Variants in DLGAP2 observed in about 807,000 individuals in gnomAD.
DLGAP2 encodes the protein disks large-associated protein 2.
Under a neutral mutation model 100.3 loss-of-function variants are expected in DLGAP2, and 26 were observed. The ratio of observed to expected loss-of-function variants is 0.26; its 90% CI spans 0.19 to 0.36. DLGAP2 has a LOEUF of 0.36. Ranked by LOEUF, DLGAP2 falls within the 10% of genes least tolerant of loss-of-function variation. The probability of loss-of-function intolerance (pLI) is 1.00; values close to 1 mark genes in which losing one functional copy is unlikely to be tolerated. For synonymous variants in DLGAP2, 886 were observed against 630.1 expected (o/e 1.41, Z -6.08); for missense variants, 1,858 against 1,453.2 (o/e 1.28, Z -4.53).
In DLGAP2 at chr8:986,487, A is replaced by G. The variant is rs563278626; in HGVS notation, c.73+78521A>G. Among the ~76,000 whole-genome samples the G allele has an allele frequency of 1.5e-3, 229 of 152,242 alleles. 2 individuals are homozygous for G. Among genetic ancestry groups the G allele is most frequent in the African/African-American group, 5.2e-3 (215 of 41,552 alleles). ...ATTATTATCTAGTGTTAAGTGTTGC[A>G]TAAGTATAATTTCTTACTTAGAGTT... On this transcript the variant is annotated intron_variant, in intron 2 of 14. Transcript: ENST00000637795.
chr8:1,288,859 G>A (rs1319350954), intron 3 of DLGAP2, among the ~76,000 whole-genome samples: 1 of 152,134 alleles, frequency 6.6e-6, no homozygotes, highest in Non-Finnish European at 1.5e-5. Context: ...CTATTACACA[G>A]TGTTCATTCC....
chr8:1,224,345 A>G (rs1798373508), intron 2 of DLGAP2, among the ~76,000 whole-genome samples: 1 of 152,214 alleles, frequency 6.6e-6, no homozygotes, highest in South Asian at 2.1e-4. Flanking sequence ...AAAAATTTTC[A>G]CTGTCATATC....
chr8:1,346,500 CATG>C (rs1563096376), intron 3 of DLGAP2, among the ~76,000 whole-genome samples: 1 of 150,460 alleles, frequency 6.6e-6, no homozygotes, highest in Non-Finnish European at 1.5e-5. Context: ...GCATTGCTCT[CATG>C]ATAGCTGTGT....
intron 6 of DLGAP2, among the ~76,000 whole-genome samples, chr8:1,599,372 A>G (rs74320361): frequency 2.2e-4 from 34 of 152,254 alleles, no homozygotes; most frequent in Non-Finnish European, 4.0e-4. Context: ...GTAGATGTCA[A>G]TTGGGTCTGC....
intron 2 of DLGAP2, among the ~76,000 whole-genome samples, chr8:1,249,591 A>T (rs755954744): frequency 1.3e-5 from 2 of 152,210 alleles, no homozygotes; most frequent in Non-Finnish European, 2.9e-5. Flanking sequence ...ACCACAGGCA[A>T]ATCACTTCAT....
At chr8:1,453,407 C>T (rs1798217063) in intron 3 of DLGAP2, among the ~76,000 whole-genome samples, 1 of 152,144 alleles carries the variant, frequency 6.6e-6, no homozygotes, top group African/African-American at 2.4e-5. Context: ...TGAAATTTAC[C>T]TTCTTAAGTA....
chr8:1,083,322 G>A (rs997815538), intron 2 of DLGAP2, among the ~76,000 whole-genome samples: 4 of 152,284 alleles, frequency 2.6e-5, no homozygotes, highest in East Asian at 1.9e-4. Context: ...AATTCTTCAC[G>A]GGCTGAAGGC....
chr8:1,161,492 C>G (rs1167835018), intron 2 of DLGAP2, among the ~76,000 whole-genome samples: 1 of 152,212 alleles, frequency 6.6e-6, no homozygotes, highest in Non-Finnish European at 1.5e-5. Context: ...GGGACAAATT[C>G]TGTTGGGATG....
chr8:1,025,028 C>T (rs568071580), intron 2 of DLGAP2, among the ~76,000 whole-genome samples: 1 of 151,850 alleles, frequency 6.6e-6, no homozygotes, highest in Non-Finnish European at 1.5e-5. Context: ...TCTCTGCTCC[C>T]CCCTCTCCTG....
At chr8:1,696,328 C>A (rs145416421) in intron 13 of DLGAP2, among the ~76,000 whole-genome samples, 180 of 152,160 alleles carry the variant, frequency 1.2e-3, no homozygotes, top group African/African-American at 4.2e-3. Flanking sequence ...CAGCCAGACC[C>A]CATTGCTACA....
chr8:1,570,717 A>G (rs1802619794), intron 6 of DLGAP2, among the ~76,000 whole-genome samples: 1 of 148,492 alleles, frequency 6.7e-6, no homozygotes, highest in African/African-American at 2.6e-5. Flanking sequence ...GAGAGGAGAG[A>G]GGGGTAAACT....
At chr8:1,212,168 C>A (rs1346038369) in intron 2 of DLGAP2, among the ~76,000 whole-genome samples, 1 of 152,198 alleles carries the variant, frequency 6.6e-6, no homozygotes, top group Non-Finnish European at 1.5e-5. Flanking sequence ...GGCAAAATCC[C>A]CACATTCCCA....
At chr8:1,562,082 C>T (rs1291678487) in intron 5 of DLGAP2, among the ~76,000 whole-genome samples, 3 of 25,174 alleles carry the variant, frequency 1.2e-4, no homozygotes, top group South Asian at 2.4e-3. Context: ...TTGGGGTGTC[C>T]GCGCCTCGTT....
intron 1 of DLGAP2, among the ~76,000 whole-genome samples, chr8:843,104 T>G (rs1408994672): frequency 6.6e-6 from 1 of 152,218 alleles, no homozygotes; most frequent in East Asian, 1.9e-4. Context: ...TTTATTGGAT[T>G]GATTTGACCA....
chr8:1,329,442 A>T (rs1801098615), intron 3 of DLGAP2, among the ~76,000 whole-genome samples: 1 of 152,180 alleles, frequency 6.6e-6, no homozygotes, highest in Non-Finnish European at 1.5e-5. Context: ...TTAGACCAAA[A>T]TATTATTTTT....
At chr8:809,543 G>A (rs542101637) in intron 1 of DLGAP2, among the ~76,000 whole-genome samples, 1 of 151,748 alleles carries the variant, frequency 6.6e-6, no homozygotes, top group East Asian at 1.9e-4. Flanking sequence ...AGTCTGTCTA[G>A]TTTGAAGTGG....
intron 6 of DLGAP2, among the ~76,000 whole-genome samples, chr8:1,572,091 G>A (rs112206878): frequency 1.5e-5 from 2 of 130,734 alleles, no homozygotes; most frequent in African/African-American, 6.3e-5. Context: ...AACTGTGGGG[G>A]CGTCTGATGA....
At chr8:780,295 C>T (rs756411367) in intron 1 of DLGAP2, among the ~76,000 whole-genome samples, 5 of 152,338 alleles carry the variant, frequency 3.3e-5, no homozygotes, top group East Asian at 1.9e-4. Context: ...CTTCCAGGCT[C>T]ATTCACATTG....
chr8:1,230,865 A>T (rs1267970838), intron 2 of DLGAP2, among the ~76,000 whole-genome samples: 1 of 152,238 alleles, frequency 6.6e-6, no homozygotes, highest in East Asian at 1.9e-4. Flanking sequence ...CTCAAGATGA[A>T]TTACAAATTT....
Sources: allele counts gnomAD v4.1 joint callset (sites outside exome capture counted in the v4.1 genomes callset), GRCh38; gene constraint gnomAD v4.1.1; transcripts MANE v1.5; gene names NCBI Gene and HGNC (gene_info 2026-07-23, HGNC 2026-07-21).